Variants in DNAJC25 observed in about 807,000 individuals in gnomAD.
DNAJC25 encodes DnaJ heat shock protein family (Hsp40) member C25.
A neutral mutation model predicts 42.1 loss-of-function variants in DNAJC25; 26 were observed. That is an observed-to-expected ratio of 0.62 (90% CI 0.45 to 0.86). DNAJC25 has a LOEUF of 0.86. DNAJC25 is among the 40% of genes least tolerant of loss of function. The pLI is 0.00. For synonymous variants in DNAJC25, 189 were observed against 179.9 expected (o/e 1.05, Z -0.40); for missense variants, 404 against 459.4 (o/e 0.88, Z 1.10).
At chr9:111,650,280 AAACCT>A (rs1830637594) in intron 3 of DNAJC25, among the ~76,000 whole-genome samples, 1 of 149,842 alleles carries the variant, frequency 6.7e-6, no homozygotes, top group Non-Finnish European at 1.5e-5. Flanking sequence ...CCAATACTGT[AAACCT>A]AGCCACAGAG....
intron 1 of DNAJC25, among the ~76,000 whole-genome samples, chr9:111,635,320 A>G (rs759007693): frequency 7.2e-5 from 11 of 152,188 alleles, no homozygotes; most frequent in Non-Finnish European, 1.3e-4. Context: ...AAAAACTCTT[A>G]TCTGGAGGCA....
intron 3 of DNAJC25, among the ~76,000 whole-genome samples, chr9:111,651,573 T>C (rs1399877555): frequency 6.6e-6 from 1 of 152,130 alleles, no homozygotes; most frequent in East Asian, 1.9e-4. Flanking sequence ...CATTTTGCTT[T>C]AGTTGACAGC....
chr9:111,637,768 T>A (rs1332760010), intron 1 of DNAJC25, among the ~76,000 whole-genome samples: 1 of 152,228 alleles, frequency 6.6e-6, no homozygotes, highest in African/African-American at 2.4e-5. Context: ...CTCCTGGAAC[T>A]TTGTGTCATG....
chr9:111,631,399 A>T lies in DNAJC25; in HGVS notation c.-9A>T. 7.9e-7 allele frequency: 1 copy of T among 1,273,530 alleles called. No homozygotes were observed. The highest frequency in any genetic ancestry group is 4.2e-5 in the Admixed American group (1 of 23,770). 78.9% of individuals were successfully genotyped at this position (1,273,530 alleles called of 1,614,324 possible). A position where few individuals can be genotyped will look rare whatever the true frequency, so the allele number is the denominator to read the frequency against. Reference sequence around the variant, plus strand: ...CGCTGGGGTGGCAGAGCCGCCAGCGAGGCTGGGGATGGGGGCGCCGCTGCT... The same window carrying T: ...CGCTGGGGTGGCAGAGCCGCCAGCGTGGCTGGGGATGGGGGCGCCGCTGCT... On this transcript the variant is annotated 5_prime_UTR_variant, in exon 1 of 4. Transcript: ENST00000313525.
In DNAJC25 at chr9:111,649,689, T is replaced by C. The variant is rs1424820435; in HGVS notation, c.726T>C (p.Cys242=). The C allele has an allele frequency of 6.2e-7, 1 of 1,614,010 alleles. No homozygotes were observed. Among genetic ancestry groups the C allele is most frequent in the Non-Finnish European group, 8.5e-7 (1 of 1,180,018 alleles). ...GGGGCTATCAGAAACCCCAAATCTG[T>C]GATCTTCTCCTGTTTCAAATTATCT... ...IKGGYQKPQI[C]DLLLFQIILA... is the part of the protein sequence containing the mutation. Residue 242 remains cysteine, a synonymous_variant, in exon 3 of 4, where the codon TGT becomes TGC. Coordinates refer to ENST00000313525, the MANE Select transcript of DNAJC25 (RefSeq NM_001015882.3).
intron 1 of DNAJC25, among the ~76,000 whole-genome samples, chr9:111,637,289 T>C (rs908909033): frequency 6.6e-6 from 1 of 152,140 alleles, no homozygotes; most frequent in African/African-American, 2.4e-5. Context: ...ACCCCTTAAG[T>C]TGTGTTCAGG....
intron 2 of DNAJC25, among the ~76,000 whole-genome samples, chr9:111,649,094 C>A (rs1830608967): frequency 6.6e-6 from 1 of 151,698 alleles, no homozygotes; most frequent in Non-Finnish European, 1.5e-5. Flanking sequence ...AAGTAGGTTG[C>A]TGTTTAAAAA....
At chr9:111,652,266 T>C (rs1830672019) in intron 3 of DNAJC25, among the ~76,000 whole-genome samples, 1 of 151,678 alleles carries the variant, frequency 6.6e-6, no homozygotes, top group African/African-American at 2.4e-5. Flanking sequence ...TCCCAACACT[T>C]TGGGAGGCCG....
At chr9:111,642,905 G>A in intron 1 of DNAJC25, 1 of 471,132 alleles carries the variant, frequency 2.1e-6, no homozygotes, top group Non-Finnish European at 4.4e-6. Flanking sequence ...GACACCAGCA[G>A]AAGCACCACA....
intron 3 of DNAJC25, among the ~76,000 whole-genome samples, chr9:111,651,812 A>G (rs982856092): frequency 3.3e-5 from 5 of 149,718 alleles, no homozygotes; most frequent in African/African-American, 1.2e-4. Context: ...GTGCCACTGT[A>G]TTCCAGCCTG....
chr9:111,639,922 C>CTCCGTCTCCG (rs1830421526), intron 1 of DNAJC25, among the ~76,000 whole-genome samples: 9 of 132,898 alleles, frequency 6.8e-5, no homozygotes, highest in South Asian at 4.7e-4. Flanking sequence ...CTCCCTCTCC[C>CTCCGTCTCCG]TCTCCCTCTC....
chr9:111,643,777 G>A (rs1025592985), intron 1 of DNAJC25, among the ~76,000 whole-genome samples: 5 of 151,844 alleles, frequency 3.3e-5, no homozygotes, highest in African/African-American at 1.2e-4. Context: ...TTCAAGATGA[G>A]TACGAAAAAA....
At chr9:111,651,299 C>T (rs1004065586) in intron 3 of DNAJC25, among the ~76,000 whole-genome samples, 7 of 150,022 alleles carry the variant, frequency 4.7e-5, no homozygotes, top group African/African-American at 1.5e-4. Context: ...TATTTAGTTA[C>T]AGCGTACCAG....
intron 1 of DNAJC25, among the ~76,000 whole-genome samples, chr9:111,637,388 G>C (rs1349262837): frequency 6.6e-6 from 1 of 152,118 alleles, no homozygotes; most frequent in African/African-American, 2.4e-5. Flanking sequence ...AGAAAACTCT[G>C]GGAGCAATTT....
chr9:111,649,942 G>C lies in DNAJC25; in HGVS notation c.960+19G>C. ...TTATGAGGTGAGTAGTCACCCTGCT[G>C]TGATTTAAGTGTCATCCACCTGACC... On this transcript the variant is annotated intron_variant, in intron 3 of 3. Transcript: ENST00000313525. The C allele has an allele frequency of 6.5e-7, 1 of 1,529,078 alleles. No homozygotes were observed. The highest frequency in any genetic ancestry group is 8.7e-7 in the Non-Finnish European group (1 of 1,145,262). 94.7% of individuals were successfully genotyped at this position (1,529,078 alleles called of 1,614,324 possible).
At chr9:111,633,319 TGAATTTAGGTTGAGTGTCAG>T in intron 1 of DNAJC25, among the ~76,000 whole-genome samples, 1 of 152,162 alleles carries the variant, frequency 6.6e-6, no homozygotes, top group East Asian at 1.9e-4. Flanking sequence ...TTGTGGTGCT[TGAATTTAGGTTGAGTGTCAG>T]GAATGCAGTA....
intron 3 of DNAJC25, among the ~76,000 whole-genome samples, chr9:111,651,317 G>T (rs1021894257): frequency 2.0e-5 from 3 of 150,572 alleles, no homozygotes; most frequent in Admixed American, 1.3e-4. Context: ...CAGTTAGCCA[G>T]TTAGCTCCTA....
At chr9:111,638,576 G>GC (rs1554702153) in intron 1 of DNAJC25, among the ~76,000 whole-genome samples, 1 of 151,668 alleles carries the variant, frequency 6.6e-6, no homozygotes, top group Non-Finnish European at 1.5e-5. Flanking sequence ...CAAACTTGCT[G>GC]TTTTTTTTCC....
chr9:111,633,078 T>C (rs1276137493), intron 1 of DNAJC25, among the ~76,000 whole-genome samples: 1 of 152,042 alleles, frequency 6.6e-6, no homozygotes, highest in Non-Finnish European at 1.5e-5. Context: ...ATGTAAAAAG[T>C]GATGGAAAAA....
Sources: allele counts gnomAD v4.1 joint callset (sites outside exome capture counted in the v4.1 genomes callset), GRCh38; gene constraint gnomAD v4.1.1; transcripts MANE v1.5; gene names NCBI Gene and HGNC (gene_info 2026-07-23, HGNC 2026-07-21).